The following SPPL3 variants were observed in gnomAD, a reference collection of about 807,000 sequenced individuals.
SPPL3 encodes the protein signal peptide peptidase like 3, also known as signal peptide peptidase-like 3.
In SPPL3, 5 loss-of-function variants were observed where a neutral mutation model predicts 42.4. The observed-to-expected ratio is 0.12, with a 90% CI of 0.06 to 0.25. The LOEUF is 0.25. Ranked by LOEUF, SPPL3 falls within the 10% of genes least tolerant of loss-of-function variation. The pLI, the probability that SPPL3 is intolerant of heterozygous loss-of-function variation, is 1.00. For missense variants in SPPL3, 235 were observed against 489.0 expected (o/e 0.48, Z 4.90); for synonymous variants, 195 against 181.8 (o/e 1.07, Z -0.58).
chr12:120,883,442 A>G (rs1453051003), intron 1 of SPPL3, among the ~76,000 whole-genome samples: 2 of 152,240 alleles, frequency 1.3e-5, no homozygotes, highest in East Asian at 3.8e-4. Flanking sequence ...ACTTCAGGCT[A>G]GAGAAGAATT....
chr12:120,876,462 A>G (rs1302859343), intron 1 of SPPL3, among the ~76,000 whole-genome samples: 1 of 151,472 alleles, frequency 6.6e-6, no homozygotes, highest in Non-Finnish European at 1.5e-5. Context: ...AAAAAAATAC[A>G]AAAAATTAGC....
chr12:120,891,390 A>G (rs1451258067), intron 1 of SPPL3, among the ~76,000 whole-genome samples: 2 of 152,170 alleles, frequency 1.3e-5, no homozygotes, highest in African/African-American at 2.4e-5. Flanking sequence ...ATATCTATTA[A>G]CTTTAAAATA....
chr12:120,837,459 C>T lies in SPPL3; in HGVS notation c.24-26573G>A, dbSNP rs971898457. 5.3e-5 allele frequency among the ~76,000 whole-genome samples: 8 copies of T among 152,282 alleles called. No individual in the cohort carries two copies. In the East Asian group the frequency reaches 7.7e-4, roughly 15 times the overall value. On this transcript the variant is annotated intron_variant, in intron 1 of 10. Coordinates refer to ENST00000353487, the MANE Select transcript of SPPL3 (RefSeq NM_139015.5). ...CAATAGTCTTCAATTAGCTGAAATACGTGATATTAAAATCTTAGTTCTTCC... is the reference window on the plus strand; with the variant it reads ...CAATAGTCTTCAATTAGCTGAAATATGTGATATTAAAATCTTAGTTCTTCC...
intron 1 of SPPL3, among the ~76,000 whole-genome samples, chr12:120,899,967 T>C (rs1873924590): frequency 6.6e-6 from 1 of 151,644 alleles, no homozygotes. Flanking sequence ...GAATTTGAGT[T>C]GAACCCTTGA....
intron 9 of SPPL3, 34 bp downstream of exon 9, chr12:120,767,360 C>A: frequency 6.3e-7 from 1 of 1,593,528 alleles, no homozygotes; most frequent in Non-Finnish European, 8.6e-7. Context: ...ACAGCCAGAG[C>A]GAGGATCATC....
chr12:120,832,747 C>T (rs973930007), intron 1 of SPPL3, among the ~76,000 whole-genome samples: 3 of 152,000 alleles, frequency 2.0e-5, no homozygotes, highest in Admixed American at 6.6e-5. Flanking sequence ...GGAAGAAACC[C>T]AAGATTGCCC....
At chr12:120,785,816 A>T (rs199955643) in intron 3 of SPPL3, among the ~76,000 whole-genome samples, 45 of 16,034 alleles carry the variant, frequency 2.8e-3, no homozygotes, top group African/African-American at 3.1e-3. Context: ...ACAGAAAATT[A>T]AAAAAAAAAA....
chr12:120,817,604 C>A (rs1213984251), intron 1 of SPPL3, among the ~76,000 whole-genome samples: 4 of 152,128 alleles, frequency 2.6e-5, no homozygotes, highest in Non-Finnish European at 5.9e-5. Flanking sequence ...AAATTCTTCC[C>A]TAGGGTCTTT....
intron 1 of SPPL3, among the ~76,000 whole-genome samples, chr12:120,863,978 T>G (rs1418221231): frequency 2.0e-5 from 3 of 152,030 alleles, no homozygotes; most frequent in Non-Finnish European, 2.9e-5. Flanking sequence ...ACACCCAGCC[T>G]AGATGGTAGT....
chr12:120,898,630 G>A (rs745554479), intron 1 of SPPL3, among the ~76,000 whole-genome samples: 3 of 152,016 alleles, frequency 2.0e-5, no homozygotes, highest in Non-Finnish European at 4.4e-5. Context: ...ACCCAGCAAA[G>A]AGGCTAATAC....
At chr12:120,776,931 C>T (rs946286676) in intron 6 of SPPL3, among the ~76,000 whole-genome samples, 4 of 152,188 alleles carry the variant, frequency 2.6e-5, no homozygotes, top group African/African-American at 9.7e-5. Context: ...TGAAACTAAT[C>T]ATCCTGCTTA....
chr12:120,888,773 C>T (rs775193141), intron 1 of SPPL3, among the ~76,000 whole-genome samples: 1 of 152,170 alleles, frequency 6.6e-6, no homozygotes, highest in Non-Finnish European at 1.5e-5. Context: ...TAATTGTACA[C>T]TTTAAATGAC....
chr12:120,820,610 C>T (rs974569053), intron 1 of SPPL3, among the ~76,000 whole-genome samples: 2 of 151,876 alleles, frequency 1.3e-5, no homozygotes, highest in Admixed American at 1.3e-4. Flanking sequence ...GCCACTGTGT[C>T]CGGCCTATCT....
At chr12:120,845,858 TTATCTATC>T (rs60954976) in intron 1 of SPPL3, among the ~76,000 whole-genome samples, 17,195 of 147,336 alleles carry the variant, frequency 0.12, 1,231 homozygotes, top group African/African-American at 0.2. Flanking sequence ...TTAGAATCCA[TTATCTATC>T]TATCTATCTA....
intron 1 of SPPL3, among the ~76,000 whole-genome samples, chr12:120,868,545 A>C (rs1872829386): frequency 6.6e-6 from 1 of 151,996 alleles, no homozygotes; most frequent in African/African-American, 2.4e-5. Flanking sequence ...GCAGTGGCAC[A>C]ATCTTGACTC....
At chr12:120,822,814 A>G (rs1034387733) in intron 1 of SPPL3, among the ~76,000 whole-genome samples, 2 of 152,076 alleles carry the variant, frequency 1.3e-5, no homozygotes, top group Non-Finnish European at 2.9e-5. Flanking sequence ...TCTCTCCATC[A>G]TCTTGCAGTA....
At chr12:120,845,898 CTATCTATCTATT>C (rs1406865950) in intron 1 of SPPL3, among the ~76,000 whole-genome samples, 3 of 147,574 alleles carry the variant, frequency 2.0e-5, no homozygotes, top group African/African-American at 5.0e-5. Flanking sequence ...ATCTATCTAT[CTATCTATCTATT>C]TTTTTGAGGC....
intron 2 of SPPL3, among the ~76,000 whole-genome samples, chr12:120,807,381 A>G (rs113057958): frequency 6.6e-6 from 1 of 152,326 alleles, no homozygotes; most frequent in South Asian, 2.1e-4. Context: ...TAACAATTAC[A>G]AAGAAAACGG....
At chr12:120,830,607 A>AGAGAGAGAGAGAGAGAGAG (rs1555251066) in intron 1 of SPPL3, among the ~76,000 whole-genome samples, 22 of 39,952 alleles carry the variant, frequency 5.5e-4, no homozygotes, top group East Asian at 5.3e-3. Flanking sequence ...GAGAGAGAGA[A>AGAGAGAGAGAGAGAGAGAG]GGTGTACATG....
Sources: allele counts gnomAD v4.1 joint callset (sites outside exome capture counted in the v4.1 genomes callset), GRCh38; gene constraint gnomAD v4.1.1; transcripts MANE v1.5; gene names NCBI Gene and HGNC (gene_info 2026-07-23, HGNC 2026-07-21).